Variants in ZFYVE1 observed in about 807,000 individuals in gnomAD.
ZFYVE1 encodes the protein zinc finger FYVE domain-containing protein 1.
A neutral mutation model predicts 74.4 loss-of-function variants in ZFYVE1; 30 were observed. That is an observed-to-expected ratio of 0.40 (90% CI 0.30 to 0.55). The LOEUF is 0.55. Ranked by LOEUF, ZFYVE1 falls within the 20% of genes least tolerant of loss-of-function variation. The pLI is 0.42. For synonymous variants in ZFYVE1, 335 were observed against 385.1 expected (o/e 0.87, Z 1.52); for missense variants, 703 against 1,011.6 (o/e 0.69, Z 4.14).
rs770182241 is a variant in ZFYVE1, at chr14:72,981,812, G to A, written c.1287C>T (p.Cys429=). Residue 429 remains cysteine (C), a synonymous_variant, in exon 5 of 12, where the codon TGC becomes TGT. Transcript: ENST00000556143. ...ACCCACAGCTGAGGCACAAGGAGGA[G>A]CAGGTGAAATACTCATCTGGAAAAA... ...SSFFPDEYFT[C]SSLCLSCGVG... The A allele has an allele frequency of 3.7e-6, 6 of 1,614,010 alleles. No homozygotes were observed. The African/African-American group carries it at 4.0e-5, about 11-fold the overall frequency.
At chr14:72,979,182 A>C in intron 5 of ZFYVE1, 1 of 508,272 alleles carries the variant, frequency 2.0e-6, no homozygotes, top group Admixed American at 3.1e-5. Context: ...AGCGACTACT[A>C]TCCTTGTATG....
intron 3 of ZFYVE1, among the ~76,000 whole-genome samples, chr14:72,993,773 C>T (rs1195428691): frequency 6.6e-6 from 1 of 151,938 alleles, no homozygotes; most frequent in Admixed American, 6.6e-5. Flanking sequence ...CCTGTAATCC[C>T]AGCATTATGG....
chr14:73,005,118 T>C (rs1893951607), intron 2 of ZFYVE1, among the ~76,000 whole-genome samples: 1 of 152,174 alleles, frequency 6.6e-6, no homozygotes, highest in African/African-American at 2.4e-5. Flanking sequence ...CTGCCTTTCA[T>C]GTTACTTTGC....
chr14:72,987,449 T>A (rs1366445834), intron 4 of ZFYVE1, among the ~76,000 whole-genome samples: 1 of 152,016 alleles, frequency 6.6e-6, no homozygotes, highest in Non-Finnish European at 1.5e-5. Context: ...TGCCTGTTAG[T>A]CCTAGCTACT....
At chr14:73,020,772 T>TG (rs1009108959) in intron 2 of ZFYVE1, among the ~76,000 whole-genome samples, 1 of 152,158 alleles carries the variant, frequency 6.6e-6, no homozygotes, top group African/African-American at 2.4e-5. Context: ...GGTCAGGAGT[T>TG]GGAGATCATC....
Position 72,971,049 on chromosome 14 carries a change from T to A in ZFYVE1, c.2167A>T (p.Asn723Tyr). ...TTGATGCTGAACTCCTTCCGGCAGT[T>A]GTGGCAGTGGAGGATTTCGTGGTCA... ...VPDHEILHCH[N>Y]CRKEFSIKLS... The change falls in exon 12 of 12, where the codon AAC becomes TAC. Residue 723 changes from asparagine to tyrosine, a missense_variant. By Grantham distance (143) the Asn-to-Tyr change is moderately radical (BLOSUM62 -2). Around this residue, in one of 2 missense-constraint regions of ZFYVE1, gnomAD observed 492 missense variants for 790.0 expected, o/e 0.62. Transcript: ENST00000556143. The A allele has an allele frequency of 1.2e-6, 2 of 1,614,176 alleles. No homozygotes were observed. The highest frequency in any genetic ancestry group is 1.7e-6 in the Non-Finnish European group (2 of 1,180,038).
In ZFYVE1 at chr14:72,978,873, C is replaced by T. The variant is rs774131871; in HGVS notation, c.1407G>A (p.Val469=). ...CRYSHQYDNR[V]YTCKACYERG... The stretch of plus-strand genomic sequence containing the variant: ...TCGGAGGACTCACCTTGCAGGTATA[C>T]ACTCGGTTGTCATACTGGTGGGAGT... Residue 469 remains valine (V), a synonymous_variant, in exon 6 of 12, where the codon GTG becomes GTA. Transcript: ENST00000556143. 123 of 1,613,998 alleles carry T rather than the reference C, an allele frequency of 7.6e-5. No individual in the cohort carries two copies. Among genetic ancestry groups the T allele is most frequent in the Non-Finnish European group, 9.7e-5 (114 of 1,179,950 alleles).
chr14:73,021,375 A>G (rs1175054945), intron 2 of ZFYVE1, among the ~76,000 whole-genome samples: 2 of 151,724 alleles, frequency 1.3e-5, no homozygotes, highest in Non-Finnish European at 2.9e-5. Flanking sequence ...ATAAATAAAT[A>G]AATAAATAAA....
At chr14:72,993,448 A>AC in intron 3 of ZFYVE1, 91 bp from the exon 4 acceptor site, 2 of 1,221,156 alleles carry the variant, frequency 1.6e-6, no homozygotes, top group Admixed American at 2.7e-5. Context: ...CACACCTGTA[A>AC]CCCTAGCACT....
intron 2 of ZFYVE1, among the ~76,000 whole-genome samples, chr14:73,020,647 C>A (rs921587390): frequency 3.3e-5 from 5 of 152,066 alleles, no homozygotes; most frequent in Non-Finnish European, 7.4e-5. Flanking sequence ...CCATCGCGCC[C>A]GGTCGCAGTT....
At chr14:73,008,672 G>A (rs1894029123) in intron 2 of ZFYVE1, among the ~76,000 whole-genome samples, 1 of 152,114 alleles carries the variant, frequency 6.6e-6, no homozygotes, top group Admixed American at 6.6e-5. Context: ...ATCCTCAAGG[G>A]AACTTTCTGA....
rs33940384 is a variant in ZFYVE1 at position 72,986,475 on chromosome 14, T to TA, written c.1204-4581dup. On this transcript the variant is annotated intron_variant, in intron 4 of 11. Coordinates refer to ENST00000556143, the MANE Select transcript of ZFYVE1 (RefSeq NM_021260.4). Reference sequence around the variant, plus strand: ...AGTGTGGGAAAATAACAGTAACTGTTAAAAAAAAAAAAAAAAAATCCAACG... The same window carrying TA: ...AGTGTGGGAAAATAACAGTAACTGTTAAAAAAAAAAAAAAAAAAATCCAACG... Among the ~76,000 whole-genome samples the TA allele has an allele frequency of 2.5e-3, 356 of 139,696 alleles. 1 individual carries two copies. Among genetic ancestry groups the TA allele is most frequent in the East Asian group, 7.7e-3 (36 of 4,650 alleles). 91.6% of individuals were successfully genotyped at this position (139,696 alleles called of 152,430 possible).
At chr14:72,972,993 C>T (rs574358348) in intron 11 of ZFYVE1, among the ~76,000 whole-genome samples, 1 of 152,170 alleles carries the variant, frequency 6.6e-6, no homozygotes, top group South Asian at 2.1e-4. Flanking sequence ...GCGTGAGCCA[C>T]GGTGCCCGGC....
intron 7 of ZFYVE1, 39 bp from the exon 8 acceptor site, chr14:72,978,083 T>G: frequency 6.2e-7 from 1 of 1,613,920 alleles, no homozygotes; most frequent in Non-Finnish European, 8.5e-7. Flanking sequence ...CCCAGCCAGG[T>G]GCCTGGGGAG....
At chr14:73,014,540 T>C (rs926109163) in intron 2 of ZFYVE1, among the ~76,000 whole-genome samples, 1 of 152,242 alleles carries the variant, frequency 6.6e-6, no homozygotes, top group Non-Finnish European at 1.5e-5. Flanking sequence ...GAAGATCTAT[T>C]TTTTTGTTAT....
intron 2 of ZFYVE1, among the ~76,000 whole-genome samples, chr14:73,013,278 G>A (rs1394609522): frequency 4.6e-5 from 7 of 152,166 alleles, no homozygotes; most frequent in Non-Finnish European, 8.8e-5. Flanking sequence ...CCAGTCAACA[G>A]AGGCTCTTCA....
intron 2 of ZFYVE1, among the ~76,000 whole-genome samples, chr14:73,008,722 G>C (rs1894029703): frequency 1.3e-5 from 2 of 152,134 alleles, no homozygotes; most frequent in Admixed American, 6.5e-5. Flanking sequence ...TTTTTAAGTG[G>C]CATAGCATAT....
intron 2 of ZFYVE1, among the ~76,000 whole-genome samples, chr14:73,011,818 G>C (rs1297439051): frequency 1.3e-5 from 2 of 149,700 alleles, no homozygotes; most frequent in Admixed American, 1.3e-4. Context: ...CACCATGTCT[G>C]GCCTAAAACA....
intron 11 of ZFYVE1, among the ~76,000 whole-genome samples, chr14:72,973,448 C>T (rs753544805): frequency 2.8e-4 from 42 of 151,994 alleles, no homozygotes; most frequent in Admixed American, 2.0e-3. Flanking sequence ...AAGATCGCAC[C>T]ACTGTACTCC....
Sources: gnomAD v4.1 joint callset for allele counts (sites outside exome capture counted in the v4.1 genomes callset) on GRCh38, gnomAD v4.1.1 for gene constraint, gnomAD v4.1.1 regional missense constraint, MANE v1.5 for transcripts, NCBI Gene and HGNC (gene_info 2026-07-23, HGNC 2026-07-21) for gene names.